IQSEC1: variants seen among roughly 807,000 people sequenced by gnomAD.
IQSEC1 encodes the protein IQ motif and Sec7 domain ArfGEF 1.
A neutral mutation model predicts 91.0 loss-of-function variants in IQSEC1; 31 were observed. That is an observed-to-expected ratio of 0.34 (90% CI 0.26 to 0.46). IQSEC1 has a LOEUF of 0.46. Among genes scored for constraint, IQSEC1 ranks in the 20% least tolerant of loss-of-function variants. The pLI is 1.00. For missense variants in IQSEC1, 1,388 were observed against 1,575.6 expected, an observed-to-expected ratio of 0.88 and a Z score of 2.02; for synonymous variants, 699 against 662.6, an observed-to-expected ratio of 1.05 and a Z score of -0.84.
chr3:12,975,944 G>GC (rs1400893686), intron 1 of IQSEC1, among the ~76,000 whole-genome samples: 2 of 152,206 alleles, frequency 1.3e-5, no homozygotes, highest in Non-Finnish European at 2.9e-5. Context: ...CTTGGCATCT[G>GC]CCCCCCAACG....
rs1693770765 is a variant in IQSEC1, at chr3:12,897,598, T to C, written c.*3385A>G. On this transcript the variant is annotated 3_prime_UTR_variant, in exon 14 of 14. Coordinates refer to ENST00000613206, the MANE Select transcript of IQSEC1 (RefSeq NM_001134382.3). The stretch of plus-strand genomic sequence containing the variant: ...CACCCCCACCTCACCCTGCTCAGTG[T>C]TGCAATGCTGCCTTGACTATTGTTG... 1 of 152,208 alleles carries C rather than the reference T, an allele frequency of 6.6e-6. No individual in the cohort carries two copies. The highest frequency in any genetic ancestry group is 1.5e-5 in the Non-Finnish European group (1 of 68,044). 9.4% of individuals were successfully genotyped at this position (152,208 alleles called of 1,614,324 possible).
intron 1 of IQSEC1, among the ~76,000 whole-genome samples, chr3:13,204,522 T>C (rs189921542): frequency 2.9e-4 from 44 of 152,340 alleles, no homozygotes; most frequent in Non-Finnish European, 4.7e-4. Flanking sequence ...CGCCCACCGC[T>C]AGCGAGAGCG....
At chr3:13,017,090 C>G (rs1169726067) in intron 1 of IQSEC1, among the ~76,000 whole-genome samples, 2 of 152,226 alleles carry the variant, frequency 1.3e-5, no homozygotes, top group African/African-American at 4.8e-5. Flanking sequence ...ATATTCCACA[C>G]TATGGACAGA....
chr3:12,925,805 C>G (rs944841588), intron 3 of IQSEC1, among the ~76,000 whole-genome samples: 7 of 152,230 alleles, frequency 4.6e-5, no homozygotes, highest in Non-Finnish European at 1.0e-4. Context: ...AGGTCTGCAC[C>G]TGGCCAGGTG....
chr3:12,914,336 G>C (rs969309722), intron 8 of IQSEC1, among the ~76,000 whole-genome samples: 4 of 152,208 alleles, frequency 2.6e-5, no homozygotes, highest in Non-Finnish European at 5.9e-5. Flanking sequence ...CATGCAGGAT[G>C]GGGGAGGCGG....
At chr3:13,131,178 A>T (rs1296311897) in intron 2 of IQSEC1, among the ~76,000 whole-genome samples, 1 of 152,024 alleles carries the variant, frequency 6.6e-6, no homozygotes, top group African/African-American at 2.4e-5. Context: ...TAGGACTGCA[A>T]TTTTTATTTT....
intron 2 of IQSEC1, among the ~76,000 whole-genome samples, chr3:13,130,156 C>A (rs768935322): frequency 6.7e-6 from 1 of 148,760 alleles, no homozygotes; most frequent in Admixed American, 6.7e-5. Context: ...ACAGCCTGGC[C>A]CTCATGGTGA....
intron 1 of IQSEC1, among the ~76,000 whole-genome samples, chr3:12,951,792 G>A (rs1040754987): frequency 6.6e-6 from 1 of 152,182 alleles, no homozygotes; most frequent in Non-Finnish European, 1.5e-5. Flanking sequence ...TGAGGAGGAG[G>A]GGTGAGGTCG....
chr3:13,194,309 C>T (rs949609147), intron 1 of IQSEC1, among the ~76,000 whole-genome samples: 36 of 152,072 alleles, frequency 2.4e-4, no homozygotes, highest in Admixed American at 1.3e-4. Flanking sequence ...AGCTGCCTCC[C>T]GGCTGGGCTG....
chr3:12,971,643 A>G (rs971977992), intron 1 of IQSEC1, among the ~76,000 whole-genome samples: 2 of 152,254 alleles, frequency 1.3e-5, no homozygotes, highest in Non-Finnish European at 2.9e-5. Context: ...AGATTGTATA[A>G]TCATAGATTA....
chr3:12,929,090 C>T (rs182339932), intron 3 of IQSEC1, among the ~76,000 whole-genome samples: 194 of 152,328 alleles, frequency 1.3e-3, no homozygotes, highest in African/African-American at 4.5e-3. Flanking sequence ...AGGGGCATGG[C>T]TGGGAGAGTC....
rs142445588 is a variant in IQSEC1 at position 13,254,749 on chromosome 3, G to A, written c.272+27962C>T. ...CTCTACTGCCCAGCGAGCAGCAGGT[G>A]GCAGAGCCCTGCACCGGAGGGCTCT... On this transcript the variant is annotated intron_variant, in intron 1 of 15. Transcript: ENST00000648114. Among the ~76,000 whole-genome samples the A allele has an allele frequency of 4.1e-3, 630 of 152,330 alleles. 8 individuals are homozygous for A. The highest frequency in any genetic ancestry group is 0.014 in the African/African-American group (592 of 41,586).
Position 12,900,973 on chromosome 3 carries a change from C to T in IQSEC1, c.*10G>A. On this transcript the variant is annotated 3_prime_UTR_variant, in exon 14 of 14. Transcript: ENST00000613206. ...TGTTTCAGGGAGCCTGGGACCCCTA[C>T]CCAGGCTGTCTACACAATTGTGCTG... 1.3e-6 allele frequency: 2 copies of T among 1,543,048 alleles called. No individual in the cohort carries two copies. Among genetic ancestry groups the T allele is most frequent in the East Asian group, 2.4e-5 (1 of 40,908 alleles).
At chr3:13,057,384 C>A (rs994970383) in intron 1 of IQSEC1, among the ~76,000 whole-genome samples, 1 of 152,164 alleles carries the variant, frequency 6.6e-6, no homozygotes, top group African/African-American at 2.4e-5. Context: ...TTTTCCATGC[C>A]CAATGGAGGG....
In IQSEC1 at chr3:13,282,410, G is replaced by A. The variant is rs1170664643; in HGVS notation, c.272+301C>T. Among the ~76,000 whole-genome samples the A allele has an allele frequency of 6.6e-6, 1 of 152,130 alleles. No individual in the cohort carries two copies. The highest frequency in any genetic ancestry group is 2.4e-5 in the African/African-American group (1 of 41,452). Reference sequence around the variant, plus strand: ...CGCCCGGCTCGTCCGAGCCCCGGGGGTCGCCAACCCTGAGTCCGCGCCGCA... The same window carrying A: ...CGCCCGGCTCGTCCGAGCCCCGGGGATCGCCAACCCTGAGTCCGCGCCGCA... On this transcript the variant is annotated intron_variant, in intron 1 of 15. Transcript: ENST00000648114. This position sits in a 1 kb window ranked among gnomAD's most constrained non-coding sequence, Gnocchi z 6.4.
At chr3:13,245,009 G>T (rs1208831312) in intron 1 of IQSEC1, among the ~76,000 whole-genome samples, 1 of 152,100 alleles carries the variant, frequency 6.6e-6, no homozygotes, top group Non-Finnish European at 1.5e-5. Flanking sequence ...TGCTAGCTAG[G>T]GCCACTATGA....
intron 1 of IQSEC1, among the ~76,000 whole-genome samples, chr3:13,015,328 G>A (rs182534895): frequency 3.9e-5 from 6 of 152,208 alleles, no homozygotes; most frequent in African/African-American, 7.2e-5. Context: ...GGTCTAACGC[G>A]CAGGGGAGCT....
At chr3:12,923,563 C>T (rs1184385558) in intron 4 of IQSEC1, among the ~76,000 whole-genome samples, 1 of 152,244 alleles carries the variant, frequency 6.6e-6, no homozygotes, top group Admixed American at 6.5e-5. Context: ...ACGGGGACTA[C>T]ATGAGTGCCG....
At chr3:13,080,376 C>T (rs1351966661) in intron 2 of IQSEC1, among the ~76,000 whole-genome samples, 1 of 152,078 alleles carries the variant, frequency 6.6e-6, no homozygotes, top group Non-Finnish European at 1.5e-5. Context: ...AAGGCATCCA[C>T]CTGCTCGTCG....
Sources: allele counts gnomAD v4.1 joint callset (sites outside exome capture counted in the v4.1 genomes callset), GRCh38; gene constraint gnomAD v4.1.1; non-coding constraint Gnocchi (gnomAD v3.1); transcripts MANE v1.5; gene names NCBI Gene and HGNC (gene_info 2026-07-23, HGNC 2026-07-21).